Variants in PDE1A observed in about 807,000 individuals in gnomAD.
The protein encoded by PDE1A is dual specificity calcium/calmodulin-dependent 3',5'-cyclic nucleotide phosphodiesterase 1A.
Under a neutral mutation model 61.7 loss-of-function variants are expected in PDE1A, and 35 were observed. The observed-to-expected ratio is 0.57, with a 90% confidence interval of 0.43 to 0.75. The LOEUF (loss-of-function observed/expected upper bound fraction) is 0.75. PDE1A is among the 30% of genes least tolerant of loss of function. The probability of loss-of-function intolerance (pLI) is 0.00; values close to 1 mark genes in which losing one functional copy is unlikely to be tolerated. For missense variants in PDE1A, 597 were observed against 630.6 expected (o/e 0.95, Z 0.57); for synonymous variants, 232 against 213.2 (o/e 1.09, Z -0.77).
intron 1 of PDE1A, among the ~76,000 whole-genome samples, chr2:182,271,585 G>A (rs1485915732): frequency 6.6e-6 from 1 of 152,078 alleles, no homozygotes; most frequent in Non-Finnish European, 1.5e-5. Flanking sequence ...CAAAGAGTTA[G>A]AAATGCTTTC....
At chr2:182,179,765 T>G (rs1273380096) in intron 13 of PDE1A, among the ~76,000 whole-genome samples, 2 of 152,186 alleles carry the variant, frequency 1.3e-5, no homozygotes, top group African/African-American at 4.8e-5. Flanking sequence ...TTTGTGCCAG[T>G]CTCTGTTCAA....
rs1401212099 is a variant in PDE1A, at chr2:182,204,164, A to G, written c.902+1776T>C. 4.6e-5 allele frequency among the ~76,000 whole-genome samples: 7 copies of G among 152,308 alleles called. No individual in the cohort carries two copies. In the East Asian group the frequency reaches 1.2e-3, roughly 25 times the overall value. Reference sequence around the variant, plus strand: ...CAAATTAATATTATAAAAATTATCTATGGGAATGGTAATCACTGATTAAGA... The same window carrying G: ...CAAATTAATATTATAAAAATTATCTGTGGGAATGGTAATCACTGATTAAGA... On this transcript the variant is annotated intron_variant, in intron 8 of 13. Coordinates refer to ENST00000351439, the Ensembl canonical transcript of PDE1A.
At chr2:182,201,610 C>T in intron 9 of PDE1A, 51 bp from the exon 10 acceptor site, 2 of 1,477,114 alleles carry the variant, frequency 1.4e-6, no homozygotes, top group East Asian at 2.4e-5. Flanking sequence ...GAAACAATTA[C>T]AGTCTTTTCT....
intron 1 of PDE1A, among the ~76,000 whole-genome samples, chr2:182,403,457 T>G (rs1196777058): frequency 2.6e-5 from 4 of 151,376 alleles, no homozygotes; most frequent in East Asian, 1.9e-4. Context: ...AAATTAGCCG[T>G]GCGTGGTGGC....
intron 2 of PDE1A, among the ~76,000 whole-genome samples, chr2:182,432,846 T>C (rs1368620294): frequency 6.6e-6 from 1 of 152,000 alleles, no homozygotes; most frequent in African/African-American, 2.4e-5. Flanking sequence ...TGCAACTATG[T>C]CCCTTGTCTG....
chr2:182,598,119 G>C, the PDE1A span, among the ~76,000 whole-genome samples: 1 of 152,162 alleles, frequency 6.6e-6, no homozygotes. Flanking sequence ...AGCCATAACA[G>C]CTTCATCTTC....
chr2:182,619,171 C>T, the PDE1A span, among the ~76,000 whole-genome samples: 1 of 151,958 alleles, frequency 6.6e-6, no homozygotes, highest in Non-Finnish European at 1.5e-5. Flanking sequence ...ATTAAAATAT[C>T]CATGTATTCA....
chr2:182,152,204 CA>C lies in PDE1A; in HGVS notation c.1517-5053del, dbSNP rs1690821549. ...GGTTGCTTCAGCTTTACTTTTAGACCATTTATATAGTTTATGTTGCAGATAA... is the reference window on the plus strand; with the variant it reads ...GGTTGCTTCAGCTTTACTTTTAGACCTTTATATAGTTTATGTTGCAGATAA... On this transcript the variant is annotated intron_variant, in intron 13 of 13. Transcript: ENST00000409365. Among the ~76,000 whole-genome samples, 3 of 151,990 alleles carry C rather than the reference CA, an allele frequency of 2.0e-5. No homozygotes were observed. In the South Asian group the frequency reaches 6.3e-4, roughly 32 times the overall value.
At chr2:182,547,439 A>AAGAT in the PDE1A span, among the ~76,000 whole-genome samples, 1 of 152,238 alleles carries the variant, frequency 6.6e-6, no homozygotes, top group South Asian at 2.1e-4. Flanking sequence ...TGATGAGCAT[A>AAGAT]AGATATTTTC....
At chr2:182,420,686 A>G (rs1266692919) in intron 1 of PDE1A, among the ~76,000 whole-genome samples, 2 of 152,206 alleles carry the variant, frequency 1.3e-5, no homozygotes, top group East Asian at 1.9e-4. Context: ...TGGAGACACC[A>G]AAACACTAAA....
At chr2:182,195,376 G>A (rs1362270740) in intron 10 of PDE1A, among the ~76,000 whole-genome samples, 1 of 152,046 alleles carries the variant, frequency 6.6e-6, no homozygotes, top group East Asian at 1.9e-4. Context: ...GTAAGAAGGT[G>A]TATAGAGACA....
Position 182,288,315 on chromosome 2 carries a change from C to T in PDE1A, c.54-23901G>A, listed in dbSNP as rs1448438474. 2.0e-5 allele frequency among the ~76,000 whole-genome samples: 3 copies of T among 152,202 alleles called. No individual in the cohort carries two copies. The East Asian group carries it at 5.8e-4, about 29-fold the overall frequency. ...TACTTTCCCCAAATCAGAAAGCTATCAAAGGTAATCGCCGTACACAGTGCA... is the reference window on the plus strand; with the variant it reads ...TACTTTCCCCAAATCAGAAAGCTATTAAAGGTAATCGCCGTACACAGTGCA... On this transcript the variant is annotated intron_variant, in intron 1 of 13. Coordinates refer to ENST00000351439, the Ensembl canonical transcript of PDE1A.
At chr2:182,172,799 C>T (rs984121225) in intron 13 of PDE1A, among the ~76,000 whole-genome samples, 4 of 151,928 alleles carry the variant, frequency 2.6e-5, no homozygotes, top group African/African-American at 4.8e-5. Context: ...CCAGGAAGAG[C>T]ATTCTATGAG....
intron 1 of PDE1A, among the ~76,000 whole-genome samples, chr2:182,292,538 A>G (rs1396282816): frequency 6.6e-6 from 1 of 152,060 alleles, no homozygotes; most frequent in Admixed American, 6.6e-5. Flanking sequence ...TAGTGAGACT[A>G]TTCAATATTC....
chr2:182,653,067 T>C, the PDE1A span, among the ~76,000 whole-genome samples: 1 of 152,184 alleles, frequency 6.6e-6, no homozygotes, highest in African/African-American at 2.4e-5. Context: ...TACTTCTTTT[T>C]TGGCTGCCAT....
At chr2:182,428,897 G>A (rs1261292197), upstream of PDE1A, among the ~76,000 whole-genome samples, 14 of 152,002 alleles carry the variant, frequency 9.2e-5, no homozygotes, top group Admixed American at 9.2e-4. Context: ...ACACAATGGA[G>A]GGAACTCAAC....
chr2:182,439,084 G>T lies in PDE1A; in HGVS notation c.101+83192C>A, dbSNP rs372685500. On this transcript the variant is annotated intron_variant, in intron 2 of 14. Coordinates refer to the PDE1A transcript ENST00000410103. Reference sequence around the variant, plus strand: ...GGTGTACTGAATGAAAAAGAAAAAGGATTCTAAGATAATAATTAGATTTCT... The same window carrying T: ...GGTGTACTGAATGAAAAAGAAAAAGTATTCTAAGATAATAATTAGATTTCT... Among the ~76,000 whole-genome samples the T allele has an allele frequency of 4.6e-4, 70 of 152,116 alleles. 1 individual carries two copies. The highest frequency in any genetic ancestry group is 1.6e-3 in the African/African-American group (66 of 41,540).
chr2:182,401,654 T>C (rs1048061205), intron 1 of PDE1A, among the ~76,000 whole-genome samples: 3 of 152,122 alleles, frequency 2.0e-5, no homozygotes, highest in Non-Finnish European at 2.9e-5. Flanking sequence ...CTGTTCAACA[T>C]AGTGTTGAAA....
chr2:182,498,394 T>C (rs1318865715), intron 2 of PDE1A, among the ~76,000 whole-genome samples: 1 of 151,880 alleles, frequency 6.6e-6, no homozygotes, highest in Non-Finnish European at 1.5e-5. Context: ...AGAAAAGTAT[T>C]AGAAAGGCTG....
Sources: allele counts gnomAD v4.1 joint callset (sites outside exome capture counted in the v4.1 genomes callset), GRCh38; gene constraint gnomAD v4.1.1; transcripts MANE v1.5; gene names NCBI Gene and HGNC (gene_info 2026-07-23, HGNC 2026-07-21).